P2RX6: variants seen among roughly 807,000 people sequenced by gnomAD.
P2RX6 encodes the protein P2X purinoceptor 6.
P2RX6 carries 62 observed loss-of-function variants against 54.2 expected under a neutral mutation model. The ratio of observed to expected loss-of-function variants is 1.14; its 90% confidence interval spans 0.93 to 1.41. P2RX6 has a LOEUF of 1.41. Among genes scored for constraint, P2RX6 ranks in the 40% most tolerant of loss-of-function variants. The pLI, the probability that P2RX6 is intolerant of heterozygous loss-of-function variation, is 0.00. For synonymous variants in P2RX6, 211 were observed against 231.9 expected (o/e 0.91, Z 0.82); for missense variants, 541 against 566.3 (o/e 0.96, Z 0.45).
chr22:21,026,332 G>A lies in P2RX6; in HGVS notation c.1128+3G>A, dbSNP rs1295597509. 1 of 1,602,976 alleles carries A rather than the reference G, an allele frequency of 6.2e-7. No individual in the cohort carries two copies. The highest frequency in any genetic ancestry group is 8.5e-7 in the Non-Finnish European group (1 of 1,175,038). On this transcript the variant is annotated splice_donor_region_variant and intron_variant, in intron 11 of 11. Transcript: ENST00000413302. The surrounding 1 kb of genome is among the most constrained non-coding windows in gnomAD (Gnocchi z 4.0). Reference sequence around the variant, plus strand: ...ACTGGAGGACAAAGTATGAGGAGGTGAGCTGAGGTCGCTCTGCTTGGACCC... The same window carrying A: ...ACTGGAGGACAAAGTATGAGGAGGTAAGCTGAGGTCGCTCTGCTTGGACCC...
intron 8 of P2RX6, among the ~76,000 whole-genome samples, chr22:21,024,435 G>A (rs778583871): frequency 1.3e-5 from 2 of 151,758 alleles, no homozygotes; most frequent in Non-Finnish European, 2.9e-5. Context: ...ACGCCTCCAC[G>A]CCCGGCTAAT....
intron 3 of P2RX6, among the ~76,000 whole-genome samples, chr22:21,020,735 G>C (rs1023555947): frequency 2.0e-5 from 3 of 151,822 alleles, no homozygotes; most frequent in Admixed American, 2.0e-4. Flanking sequence ...GGGACTACAG[G>C]CACACACCAC....
At chr22:21,015,453 G>T in intron 1 of P2RX6, 115 bp downstream of exon 1, 1 of 1,184,990 alleles carries the variant, frequency 8.4e-7, no homozygotes, top group Non-Finnish European at 1.2e-6. Flanking sequence ...TGGAGTGGAA[G>T]GGGGCAGATT....
At chr22:21,015,045 G>T, upstream of P2RX6, 1 of 557,094 alleles carries the variant, frequency 1.8e-6, no homozygotes. Context: ...AGGGGTTGAG[G>T]GCTGGGTGTT....
chr22:21,021,335 G>A (rs886485495), intron 3 of P2RX6, among the ~76,000 whole-genome samples: 1 of 152,110 alleles, frequency 6.6e-6, no homozygotes, highest in Non-Finnish European at 1.5e-5. Flanking sequence ...GAGGCAGGGT[G>A]CTCAGTTTCC....
chr22:21,026,156 C>A lies in P2RX6; in HGVS notation c.1050+80C>A. On this transcript the variant is annotated intron_variant, in intron 10 of 11. Transcript: ENST00000413302. The surrounding 1 kb of genome is among the most constrained non-coding windows in gnomAD (Gnocchi z 4.0). ...GTGTGTCCAATGCATGCTGGAGCCT[C>A]CGGTGCCTGCACATTGAGTCTCGGG... is the stretch of plus-strand genomic sequence containing the variant. The A allele has an allele frequency of 6.5e-7, 1 of 1,531,384 alleles. No homozygotes were observed. Among genetic ancestry groups the A allele is most frequent in the Non-Finnish European group, 8.9e-7 (1 of 1,125,626 alleles). The allele number at this position is 1,531,384 out of a possible 1,614,324, so 94.9% of individuals were successfully genotyped here.
Position 21,023,100 on chromosome 22 carries a change from C to T in P2RX6, c.558-18C>T, listed in dbSNP as rs1193460945. 3 of 1,613,548 alleles carry T rather than the reference C, an allele frequency of 1.9e-6. No individual in the cohort carries two copies. Among genetic ancestry groups the T allele is most frequent in the African/African-American group, 1.3e-5 (1 of 74,906 alleles). On this transcript the variant is annotated intron_variant, in intron 5 of 11. Coordinates refer to ENST00000413302, the MANE Select transcript of P2RX6 (RefSeq NM_005446.5). ...GCCCCAGGCCTGGCAGAGGCTGTCA[C>T]CTCCCTTCCACCTGCAGGAGGCCCC...
intron 4 of P2RX6, 81 bp from the exon 5 acceptor site, chr22:21,022,861 T>G: frequency 6.7e-7 from 1 of 1,501,074 alleles, no homozygotes; most frequent in Non-Finnish European, 9.2e-7. Context: ...GCATCTCTCT[T>G]TCTGCCAACA....
chr22:21,021,691 G>A (rs1927433419), intron 3 of P2RX6, among the ~76,000 whole-genome samples: 1 of 152,212 alleles, frequency 6.6e-6, no homozygotes, highest in Non-Finnish European at 1.5e-5. Flanking sequence ...TCCTCAGTTG[G>A]GGCAGGACCA....
At chr22:21,015,074 C>T (rs1926095278), upstream of P2RX6, 4 of 669,970 alleles carry the variant, frequency 6.0e-6, no homozygotes, top group South Asian at 2.3e-5. Flanking sequence ...GATCTGGATC[C>T]TGCTTTAGTG....
chr22:21,027,866 G>C lies in P2RX6; in HGVS notation c.*1249G>C, dbSNP rs372456646. ...CCAGAGCCATGTCCATGGGGAGGTGGGCTCTGAAGGGCGAAGGTGGGAGAG... is the reference window on the plus strand; with the variant it reads ...CCAGAGCCATGTCCATGGGGAGGTGCGCTCTGAAGGGCGAAGGTGGGAGAG... On this transcript the variant is annotated 3_prime_UTR_variant, in exon 12 of 12. Coordinates refer to ENST00000413302, the MANE Select transcript of P2RX6 (RefSeq NM_005446.5). The C allele has an allele frequency of 2.6e-5, 4 of 152,214 alleles. No individual in the cohort carries two copies. The highest frequency in any genetic ancestry group is 9.7e-5 in the African/African-American group (4 of 41,442). 9.4% of individuals were successfully genotyped at this position (152,214 alleles called of 1,614,324 possible).
chr22:21,016,262 G>T (rs1487159185), intron 2 of P2RX6, among the ~76,000 whole-genome samples, 170 bp downstream of exon 2: 1 of 152,194 alleles, frequency 6.6e-6, no homozygotes, highest in Non-Finnish European at 1.5e-5. Context: ...GACTTTCAGG[G>T]ATGTGTAGGA....
chr22:21,025,709 TAG>T lies in P2RX6; in HGVS notation c.891-93_891-92del, dbSNP rs1928309200. The T allele has an allele frequency of 5.9e-6, 5 of 842,876 alleles. No homozygotes were observed. In the African/African-American group the frequency reaches 6.7e-5, roughly 11 times the overall value. 52.2% of individuals were successfully genotyped at this position (842,876 alleles called of 1,614,324 possible). On this transcript the variant is annotated intron_variant, in intron 8 of 11. Coordinates refer to ENST00000413302, the MANE Select transcript of P2RX6 (RefSeq NM_005446.5). The stretch of plus-strand genomic sequence containing the variant: ...GACTCAGGCTTGGGCTGGGGGTTTA[TAG>T]AGTCAATTGACAAGTTGGACAGAGG...
At chr22:21,021,083 GC>G (rs71317200) in intron 3 of P2RX6, among the ~76,000 whole-genome samples, 1 of 152,072 alleles carries the variant, frequency 6.6e-6, no homozygotes, top group South Asian at 2.1e-4. Flanking sequence ...GATTTCAGGG[GC>G]CCCTGTAAGC....
Position 21,020,268 on chromosome 22 carries a change from G to A in P2RX6, c.387+2208G>A, listed in dbSNP as rs955721948. On this transcript the variant is annotated intron_variant, in intron 3 of 11. Coordinates refer to ENST00000413302, the MANE Select transcript of P2RX6 (RefSeq NM_005446.5). ...ACACTTCTGGCTCTTCCCATGAAAC[G>A]TCAGGGCTGGGTCGTAATTATCAGA... Among the ~76,000 whole-genome samples, 8 of 152,280 alleles carry A rather than the reference G, an allele frequency of 5.3e-5. No homozygotes were observed. The South Asian group carries it at 8.3e-4, about 16-fold the overall frequency.
rs1928328907 is a variant in P2RX6 at position 21,025,803 on chromosome 22, A to G, written c.891-2A>G. The stretch of plus-strand genomic sequence containing the variant: ...CACCAGAGCCTTCTTTCCTGCCCAC[A>G]GGACAGCCACTCACTGGTGGGAGCA... On this transcript the variant is annotated splice_acceptor_variant, in intron 8 of 11. Coordinates refer to ENST00000413302, the MANE Select transcript of P2RX6 (RefSeq NM_005446.5). LOFTEE classifies it high-confidence loss of function. 1.9e-6 allele frequency: 3 copies of G among 1,555,096 alleles called. No homozygotes were observed. The highest frequency in any genetic ancestry group is 2.6e-6 in the Non-Finnish European group (3 of 1,149,312).
upstream of P2RX6, chr22:21,015,094 C>G (rs1407150184): frequency 5.9e-6 from 5 of 841,440 alleles, no homozygotes; most frequent in Non-Finnish European, 8.9e-6. Flanking sequence ...GGAAGTGTCC[C>G]TTTAACAGCA....
At chr22:21,015,837 G>A (rs1329072402) in intron 1 of P2RX6, 105 bp from the exon 2 acceptor site, 33 of 1,215,278 alleles carry the variant, frequency 2.7e-5, no homozygotes, top group Middle Eastern at 2.8e-4. Flanking sequence ...ATGTTGGGCC[G>A]GGAGCCTGTA....
intron 2 of P2RX6, 54 bp from the exon 3 acceptor site, chr22:21,017,935 G>A: frequency 8.5e-7 from 1 of 1,173,718 alleles, no homozygotes; most frequent in Non-Finnish European, 1.3e-6. Context: ...CCGGCTTCCG[G>A]CCTTTCCAGT....
Sources: gnomAD v4.1 joint callset for allele counts (sites outside exome capture counted in the v4.1 genomes callset) on GRCh38, gnomAD v4.1.1 for gene constraint, Gnocchi (gnomAD v3.1) non-coding constraint, MANE v1.5 for transcripts, NCBI Gene and HGNC (gene_info 2026-07-23, HGNC 2026-07-21) for gene names.